FGF7: variants seen among roughly 807,000 people sequenced by gnomAD.
FGF7 encodes the protein fibroblast growth factor 7.
In FGF7, 6 loss-of-function variants were observed where a neutral mutation model predicts 20.5. That is an observed-to-expected ratio of 0.29 (90% CI 0.16 to 0.58). The LOEUF (loss-of-function observed/expected upper bound fraction) is 0.58. Ranked by LOEUF, FGF7 falls within the 20% of genes least tolerant of loss-of-function variation. The pLI is 0.90. For synonymous variants in FGF7, 64 were observed against 74.7 expected (o/e 0.86, Z 0.74); for missense variants, 144 against 228.8 (o/e 0.63, Z 2.39).
At position 49,488,571 on chromosome 15, in the gene FGF7, A is replaced by G. The variant is rs1308712165; in HGVS notation, c.*4067A>G. 2 of 151,944 alleles carry G rather than the reference A, an allele frequency of 1.3e-5. No individual in the cohort carries two copies. Among genetic ancestry groups the G allele is most frequent in the Non-Finnish European group, 2.9e-5 (2 of 67,930 alleles). The allele number at this position is 151,944 out of a possible 1,614,324, so 9.4% of individuals were successfully genotyped here. On this transcript the variant is annotated 3_prime_UTR_variant, in exon 4 of 4. Transcript: ENST00000267843. The stretch of plus-strand genomic sequence containing the variant: ...TATGTTTTCCTTTTACTTCCTGGTT[A>G]TCATGTGGTTGCATTTTCCAAGTTC...
chr15:49,427,032 G>A (rs1363079958), intron 2 of FGF7, among the ~76,000 whole-genome samples: 1 of 151,834 alleles, frequency 6.6e-6, no homozygotes, highest in African/African-American at 2.4e-5. Context: ...GAAGTCCTTA[G>A]GTACAGAGGG....
intron 2 of FGF7, among the ~76,000 whole-genome samples, chr15:49,461,604 C>A (rs927498299): frequency 6.6e-6 from 1 of 152,144 alleles, no homozygotes; most frequent in Non-Finnish European, 1.5e-5. Flanking sequence ...TTAATCCCTG[C>A]AAATACTGGC....
At chr15:49,439,561 G>C (rs759897375) in intron 2 of FGF7, among the ~76,000 whole-genome samples, 3 of 151,716 alleles carry the variant, frequency 2.0e-5, no homozygotes, top group Non-Finnish European at 4.4e-5. Flanking sequence ...GAAATTCTAA[G>C]TACACATAAA....
chr15:49,438,638 T>C (rs2051328892), intron 2 of FGF7, among the ~76,000 whole-genome samples: 1 of 151,738 alleles, frequency 6.6e-6, no homozygotes, highest in African/African-American at 2.4e-5. Flanking sequence ...AATAATACTG[T>C]ATCATATATT....
rs1597514872 is a variant in FGF7 at position 49,488,097 on chromosome 15, G to A, written c.*3593G>A. The A allele has an allele frequency of 6.6e-6, 1 of 151,926 alleles. No individual in the cohort carries two copies. The highest frequency in any genetic ancestry group is 2.4e-5 in the African/African-American group (1 of 41,384). 9.4% of individuals were successfully genotyped at this position (151,926 alleles called of 1,614,324 possible). ...AATCAGAATACATCACTGATACATC[G>A]AAATGGATGCAGGCCACTATGACTA... is the stretch of plus-strand genomic sequence containing the variant. On this transcript the variant is annotated 3_prime_UTR_variant, in exon 4 of 4. Transcript: ENST00000267843.
chr15:49,426,796 T>C (rs2050169961), intron 2 of FGF7, among the ~76,000 whole-genome samples: 1 of 151,932 alleles, frequency 6.6e-6, no homozygotes, highest in Admixed American at 6.6e-5. Flanking sequence ...AAAGACAAGA[T>C]ACACATCATG....
At chr15:49,433,201 A>G (rs1463437797) in intron 2 of FGF7, among the ~76,000 whole-genome samples, 1 of 151,634 alleles carries the variant, frequency 6.6e-6, no homozygotes, top group African/African-American at 2.4e-5. Flanking sequence ...TAATGGTCTT[A>G]TTCTCTTTCT....
intron 2 of FGF7, among the ~76,000 whole-genome samples, chr15:49,472,833 T>C (rs2054901611): frequency 6.6e-6 from 1 of 152,192 alleles, no homozygotes; most frequent in Admixed American, 6.5e-5. Context: ...ATGGAAAAGT[T>C]ACATGACATT....
chr15:49,443,308 T>G (rs1385701662), intron 2 of FGF7, among the ~76,000 whole-genome samples: 1 of 151,668 alleles, frequency 6.6e-6, no homozygotes, highest in Non-Finnish European at 1.5e-5. Flanking sequence ...TTGAGGTTAT[T>G]TCTAATGTAT....
intron 2 of FGF7, among the ~76,000 whole-genome samples, chr15:49,450,963 C>A (rs557892849): frequency 6.6e-6 from 1 of 152,116 alleles, no homozygotes; most frequent in East Asian, 1.9e-4. Flanking sequence ...TGCTCCTTCC[C>A]CCAAAAATAT....
chr15:49,451,177 T>A (rs1168864814), intron 2 of FGF7, among the ~76,000 whole-genome samples: 2 of 152,094 alleles, frequency 1.3e-5, no homozygotes, highest in Non-Finnish European at 2.9e-5. Flanking sequence ...ATATGGATAC[T>A]TACATATAAA....
Position 49,485,758 on chromosome 15 carries a change from A to G in FGF7, c.*1254A>G, listed in dbSNP as rs1272659847. ...ATATAAGTAAAATCATTACAAATAT[A>G]AGTATTTACAGGATTTTAAAGTTAG... is the stretch of plus-strand genomic sequence containing the variant. On this transcript the variant is annotated 3_prime_UTR_variant, in exon 4 of 4. Coordinates refer to ENST00000267843, the MANE Select transcript of FGF7 (RefSeq NM_002009.4). The G allele has an allele frequency of 6.6e-6, 1 of 152,448 alleles. No homozygotes were observed. The highest frequency in any genetic ancestry group is 1.5e-5 in the Non-Finnish European group (1 of 67,968). 9.4% of individuals were successfully genotyped at this position (152,448 alleles called of 1,614,324 possible). A position where few individuals can be genotyped will look rare whatever the true frequency, so the allele number is the denominator to read the frequency against.
intron 2 of FGF7, among the ~76,000 whole-genome samples, chr15:49,473,130 C>T (rs2054933010): frequency 6.6e-6 from 1 of 151,940 alleles, no homozygotes; most frequent in Non-Finnish European, 1.5e-5. Context: ...TGTATTTTTT[C>T]AATTTAGAAA....
intron 2 of FGF7, among the ~76,000 whole-genome samples, chr15:49,472,372 T>C (rs1049079106): frequency 6.6e-6 from 1 of 152,166 alleles, no homozygotes; most frequent in African/African-American, 2.4e-5. Flanking sequence ...GAAGGTGGAA[T>C]AAAGTGATTA....
chr15:49,443,374 T>C (rs1317611431), intron 2 of FGF7, among the ~76,000 whole-genome samples: 2 of 151,496 alleles, frequency 1.3e-5, no homozygotes, highest in East Asian at 3.9e-4. Context: ...TTCCCAACTC[T>C]GTTCAGTGAT....
intron 2 of FGF7, among the ~76,000 whole-genome samples, chr15:49,441,549 C>T (rs7168316): frequency 0.2 from 30,153 of 151,384 alleles, 3,244 homozygotes; most frequent in South Asian, 0.33. Context: ...AAGTGGGACA[C>T]AAAGATTAGT....
intron 2 of FGF7, among the ~76,000 whole-genome samples, chr15:49,457,612 C>G (rs1275581708): frequency 6.6e-6 from 1 of 151,874 alleles, no homozygotes; most frequent in Non-Finnish European, 1.5e-5. Context: ...TGAGTACAGA[C>G]TTGAAAAATG....
At chr15:49,430,915 G>GAC (rs1193798307) in intron 2 of FGF7, among the ~76,000 whole-genome samples, 2 of 151,720 alleles carry the variant, frequency 1.3e-5, no homozygotes, top group African/African-American at 4.8e-5. Flanking sequence ...TCAGAGAAAA[G>GAC]ACATAAAGCT....
At chr15:49,425,461 G>A (rs1290946451) in intron 2 of FGF7, 1 of 151,900 alleles carries the variant, frequency 6.6e-6, no homozygotes, top group Non-Finnish European at 1.5e-5. Context: ...GTACATTAAG[G>A]ATTTAAAATA....
Sources: gnomAD v4.1 joint callset for allele counts (sites outside exome capture counted in the v4.1 genomes callset) on GRCh38, gnomAD v4.1.1 for gene constraint, MANE v1.5 for transcripts, NCBI Gene and HGNC (gene_info 2026-07-23, HGNC 2026-07-21) for gene names.